MLLT3: variants seen among roughly 807,000 people sequenced by gnomAD.
MLLT3 encodes the protein protein AF-9.
In MLLT3, 4 loss-of-function variants were observed where a neutral mutation model predicts 53.2. That is an observed-to-expected ratio of 0.08 (90% confidence interval 0.04 to 0.17). The LOEUF is 0.17. Among genes scored for constraint, MLLT3 ranks in the 10% least tolerant of loss-of-function variants. MLLT3 has a pLI of 1.00. For missense variants in MLLT3, 569 were observed against 684.0 expected (o/e 0.83, Z 1.87); for synonymous variants, 283 against 230.6 (o/e 1.23, Z -2.06).
chr9:20,621,904 T>C lies in MLLT3; in HGVS notation c.12+341A>G. 1.1e-5 allele frequency: 6 copies of C among 532,170 alleles called. No homozygotes were observed. The highest frequency in any genetic ancestry group is 1.6e-5 in the Non-Finnish European group (6 of 381,410). 33.0% of individuals were successfully genotyped at this position (532,170 alleles called of 1,614,324 possible). A position where few individuals can be genotyped will look rare whatever the true frequency, so the allele number is the denominator to read the frequency against. On this transcript the variant is annotated intron_variant, in intron 1 of 10. Coordinates refer to ENST00000380338, the MANE Select transcript of MLLT3 (RefSeq NM_004529.4). This position sits in a 1 kb window ranked among gnomAD's most constrained non-coding sequence, Gnocchi z 7.0. ...AGTTATTATTCGCCTCCTTCCACCG[T>C]GTGTGTGTGTGTGTGTGAGTGCGCG...
rs1173122176 is a variant in MLLT3 at position 20,620,594 on chromosome 9, G to C, written c.193+60C>G. ...GGGGAGCGGGACAGCGGGACCGCCCGGGCCAAGCGATTGTTTCAAAGACAT... is the reference window on the plus strand; with the variant it reads ...GGGGAGCGGGACAGCGGGACCGCCCCGGCCAAGCGATTGTTTCAAAGACAT... On this transcript the variant is annotated intron_variant, in intron 2 of 10. Transcript: ENST00000380338. This position sits in a 1 kb window ranked among gnomAD's most constrained non-coding sequence, Gnocchi z 6.1. The C allele has an allele frequency of 2.6e-5, 39 of 1,514,524 alleles. No homozygotes were observed. The East Asian group carries it at 5.9e-4, about 23-fold the overall frequency. The allele number at this position is 1,514,524 out of a possible 1,614,324, so 93.8% of individuals were successfully genotyped here. A position where few individuals can be genotyped will look rare whatever the true frequency, so the allele number is the denominator to read the frequency against.
rs570087750 is a variant in MLLT3 at position 20,464,893 on chromosome 9, G to A, written c.194-8107C>T. 5.9e-5 allele frequency among the ~76,000 whole-genome samples: 9 copies of A among 152,016 alleles called. No individual in the cohort carries two copies. In the South Asian group the frequency reaches 1.9e-3, roughly 32 times the overall value. ...ATTCACCATGTAATAACCCACACAG[G>A]TCTGGCTCTTATAATTTCATGATAA... On this transcript the variant is annotated intron_variant, in intron 2 of 10. Transcript: ENST00000380338.
chr9:20,425,523 T>A (rs568191047), intron 4 of MLLT3, among the ~76,000 whole-genome samples: 89 of 152,112 alleles, frequency 5.9e-4, no homozygotes, highest in African/African-American at 2.0e-3. Flanking sequence ...TGAAATACAT[T>A]TTGCATTAGA....
intron 4 of MLLT3, among the ~76,000 whole-genome samples, chr9:20,419,724 A>T (rs1443125818): frequency 1.3e-5 from 2 of 152,216 alleles, no homozygotes; most frequent in Non-Finnish European, 2.9e-5. Flanking sequence ...TTGCGAAAGA[A>T]GTATTTGCCA....
chr9:20,581,143 G>A (rs962282539), intron 2 of MLLT3, among the ~76,000 whole-genome samples: 2 of 152,094 alleles, frequency 1.3e-5, no homozygotes, highest in African/African-American at 4.8e-5. Flanking sequence ...TTTCTTTTTG[G>A]AGGATAAACT....
At chr9:20,477,498 T>C (rs2118899112) in intron 2 of MLLT3, among the ~76,000 whole-genome samples, 1 of 152,240 alleles carries the variant, frequency 6.6e-6, no homozygotes, top group East Asian at 1.9e-4. Context: ...CACCTAAAAC[T>C]GAAGCTGACA....
Position 20,621,945 on chromosome 9 carries a change from G to T in MLLT3, c.12+300C>A. Reference sequence around the variant, plus strand: ...TGAGTGCGCGCGTGTGAGCGAGAGGGAGTGTGTGAGTGCGCTTCTTGTGAC... The same window carrying T: ...TGAGTGCGCGCGTGTGAGCGAGAGGTAGTGTGTGAGTGCGCTTCTTGTGAC... On this transcript the variant is annotated intron_variant, in intron 1 of 10. Transcript: ENST00000380338. This position sits in a 1 kb window ranked among gnomAD's most constrained non-coding sequence, Gnocchi z 7.0. 1 of 1,392,850 alleles carries T rather than the reference G, an allele frequency of 7.2e-7. No homozygotes were observed. Among genetic ancestry groups the T allele is most frequent in the Non-Finnish European group, 9.3e-7 (1 of 1,079,662 alleles). The allele number at this position is 1,392,850 out of a possible 1,614,324, so 86.3% of individuals were successfully genotyped here.
chr9:20,552,067 C>T (rs375338390), intron 2 of MLLT3, among the ~76,000 whole-genome samples: 2 of 152,146 alleles, frequency 1.3e-5, no homozygotes, highest in African/African-American at 2.4e-5. Flanking sequence ...TTATTTCTCA[C>T]GGGTTTTGCT....
chr9:20,557,947 T>C (rs886715332), intron 2 of MLLT3, among the ~76,000 whole-genome samples: 2 of 152,158 alleles, frequency 1.3e-5, no homozygotes, highest in African/African-American at 4.8e-5. Context: ...ATAACCTATA[T>C]TGATAACCAA....
chr9:20,386,159 C>A (rs1364997759), intron 5 of MLLT3, among the ~76,000 whole-genome samples: 1 of 152,150 alleles, frequency 6.6e-6, no homozygotes, highest in African/African-American at 2.4e-5. Flanking sequence ...AAAGCACATA[C>A]TTTACATAAT....
intron 2 of MLLT3, among the ~76,000 whole-genome samples, chr9:20,530,292 A>G (rs1239902176): frequency 2.6e-5 from 4 of 152,226 alleles, no homozygotes; most frequent in African/African-American, 7.2e-5. Flanking sequence ...CTACATGGAT[A>G]AAAAATTACC....
At chr9:20,541,993 T>C (rs1373464317) in intron 2 of MLLT3, among the ~76,000 whole-genome samples, 2 of 152,164 alleles carry the variant, frequency 1.3e-5, no homozygotes, top group Non-Finnish European at 2.9e-5. Context: ...TCTAGAATAG[T>C]ATATCTTTTC....
intron 4 of MLLT3, among the ~76,000 whole-genome samples, chr9:20,433,958 C>CAA (rs773196575): frequency 2.2e-5 from 3 of 133,850 alleles, no homozygotes; most frequent in African/African-American, 5.7e-5. Context: ...ACTAAAAATA[C>CAA]AAAAAAAAAA....
Position 20,560,141 on chromosome 9 carries a change from T to C in MLLT3, c.193+60513A>G, listed in dbSNP as rs75073478. On this transcript the variant is annotated intron_variant, in intron 2 of 10. Coordinates refer to ENST00000380338, the MANE Select transcript of MLLT3 (RefSeq NM_004529.4). ...ATAGAAATTCATTACTGTCTGCTTA[T>C]TCCTGCTGAGGGTTCTGGAATTATA... 3.7e-3 allele frequency among the ~76,000 whole-genome samples: 569 copies of C among 152,268 alleles called. 2 individuals carry two copies. The highest frequency in any genetic ancestry group is 0.013 in the African/African-American group (547 of 41,554).
intron 2 of MLLT3, among the ~76,000 whole-genome samples, chr9:20,474,313 T>C (rs1016244540): frequency 6.6e-6 from 1 of 152,130 alleles, no homozygotes; most frequent in Admixed American, 6.6e-5. Context: ...TCTGTTATGA[T>C]CTAAACAGAA....
chr9:20,488,300 C>T (rs1415271508), intron 2 of MLLT3, among the ~76,000 whole-genome samples: 2 of 151,732 alleles, frequency 1.3e-5, no homozygotes, highest in Non-Finnish European at 2.9e-5. Context: ...GACTGTGCAA[C>T]AATGTGAATA....
intron 2 of MLLT3, among the ~76,000 whole-genome samples, chr9:20,544,637 G>A (rs1443042429): frequency 6.6e-6 from 1 of 152,176 alleles, no homozygotes; most frequent in Non-Finnish European, 1.5e-5. Context: ...TGTCATTGGG[G>A]ATACAAAATG....
intron 4 of MLLT3, among the ~76,000 whole-genome samples, chr9:20,427,357 C>T (rs1823163259): frequency 6.8e-6 from 1 of 146,960 alleles, no homozygotes; most frequent in African/African-American, 2.5e-5. Context: ...ACTAGTTAAA[C>T]AGCGGACTGA....
rs189059114 is a variant in MLLT3 at position 20,437,431 on chromosome 9, A to C, written c.420+10692T>G. Among the ~76,000 whole-genome samples the C allele has an allele frequency of 1.2e-4, 18 of 152,316 alleles. No homozygotes were observed. The East Asian group carries it at 3.3e-3, about 28-fold the overall frequency. The stretch of plus-strand genomic sequence containing the variant: ...ATAAGCCACAAAAATATCTTCCAGA[A>C]AAAAATAAAAAAGAAGAGATTTCAG... On this transcript the variant is annotated intron_variant, in intron 4 of 10. Transcript: ENST00000380338.
Sources: gnomAD v4.1 joint callset for allele counts (sites outside exome capture counted in the v4.1 genomes callset) on GRCh38, gnomAD v4.1.1 for gene constraint, Gnocchi (gnomAD v3.1) non-coding constraint, MANE v1.5 for transcripts, NCBI Gene and HGNC (gene_info 2026-07-23, HGNC 2026-07-21) for gene names.